CAMK2A: variants seen among roughly 807,000 people sequenced by gnomAD.
CAMK2A encodes calcium/calmodulin dependent protein kinase II alpha.
CAMK2A carries 7 observed loss-of-function variants against 79.2 expected under a neutral mutation model. The ratio of observed to expected loss-of-function variants is 0.09; its 90% CI spans 0.05 to 0.17. The LOEUF (loss-of-function observed/expected upper bound fraction) is 0.17. CAMK2A is among the 10% of genes least tolerant of loss of function. CAMK2A has a pLI of 1.00. For synonymous variants in CAMK2A, 242 were observed against 251.7 expected (o/e 0.96, Z 0.36); for missense variants, 214 against 646.4 (o/e 0.33, Z 7.25).
At chr5:150,235,298 A>T (rs1401532616) in intron 15 of CAMK2A, among the ~76,000 whole-genome samples, 1 of 152,170 alleles carries the variant, frequency 6.6e-6, no homozygotes. Context: ...TTACATCTGG[A>T]AAGTCCACTC....
intron 7 of CAMK2A, 49 bp downstream of exon 7, chr5:150,253,395 C>T: frequency 2.1e-6 from 3 of 1,454,346 alleles, no homozygotes; most frequent in East Asian, 2.3e-5. Flanking sequence ...TATGTGTCAA[C>T]ACAAATGGGT....
intron 2 of CAMK2A, among the ~76,000 whole-genome samples, chr5:150,267,094 G>C (rs1390583024): frequency 6.6e-6 from 1 of 152,232 alleles, no homozygotes; most frequent in Admixed American, 6.5e-5. Flanking sequence ...GGGATAAGGA[G>C]GTGGGGCCAA....
chr5:150,277,022 G>A (rs1756978236), intron 1 of CAMK2A, among the ~76,000 whole-genome samples: 1 of 152,152 alleles, frequency 6.6e-6, no homozygotes, highest in Non-Finnish European at 1.5e-5. Context: ...TTGAGCCCAG[G>A]AGTTTGAGAC....
chr5:150,225,936 C>A (rs1317798953), intron 17 of CAMK2A, among the ~76,000 whole-genome samples: 1 of 151,942 alleles, frequency 6.6e-6, no homozygotes, highest in Non-Finnish European at 1.5e-5. Context: ...GTAAAGATGG[C>A]GTTTCACCAT....
intron 13 of CAMK2A, among the ~76,000 whole-genome samples, chr5:150,242,534 C>A (rs1455056893): frequency 6.6e-6 from 1 of 152,202 alleles, no homozygotes; most frequent in Admixed American, 6.5e-5. Flanking sequence ...ATGTGTGCCT[C>A]CCTGCTGGGC....
At position 150,238,401 on chromosome 5, in the gene CAMK2A, G is replaced by A. The variant is rs559120422; in HGVS notation, c.1066+299C>T. ...TGGGAGGCAGAGGTTGCAGTGAGCC[G>A]AGATCGTGCCACTGCACTCCAGCCT... is the stretch of plus-strand genomic sequence containing the variant. On this transcript the variant is annotated intron_variant, in intron 15 of 18. Transcript: ENST00000671881. 13 of 262,740 alleles carry A rather than the reference G, an allele frequency of 4.9e-5. No homozygotes were observed. In the East Asian group the frequency reaches 9.9e-4, roughly 20 times the overall value. The allele number at this position is 262,740 out of a possible 1,614,324, so 16.3% of individuals were successfully genotyped here. A position where few individuals can be genotyped will look rare whatever the true frequency, so the allele number is the denominator to read the frequency against.
In CAMK2A at chr5:150,247,762, T is replaced by C; in HGVS notation, c.943+10A>G. 6.2e-7 allele frequency: 1 copy of C among 1,608,876 alleles called. No homozygotes were observed. Among genetic ancestry groups the C allele is most frequent in the Non-Finnish European group, 8.5e-7 (1 of 1,177,810 alleles). On this transcript the variant is annotated intron_variant, in intron 12 of 18. Coordinates refer to ENST00000671881, the MANE Select transcript of CAMK2A (RefSeq NM_015981.4). The stretch of plus-strand genomic sequence containing the variant: ...GGGCTTACTGGGGACCCTGAGGTCC[T>C]GCCACCTACCGGAGAAGTTCCTGGT...
chr5:150,273,166 G>C lies in CAMK2A; in HGVS notation c.63-7C>G. ...CACCACCGAGAAGGCTCCCCTAGGA[G>C]GACAGAGAAGGTGGAGAGGGTGAGG... On this transcript the variant is annotated splice_polypyrimidine_tract_variant and splice_region_variant and intron_variant, in intron 1 of 18. Transcript: ENST00000671881. 6.2e-7 allele frequency: 1 copy of C among 1,609,894 alleles called. No homozygotes were observed. The highest frequency in any genetic ancestry group is 8.5e-7 in the Non-Finnish European group (1 of 1,176,896).
intron 13 of CAMK2A, among the ~76,000 whole-genome samples, chr5:150,241,615 T>C (rs1413430070): frequency 1.4e-5 from 2 of 141,170 alleles, no homozygotes; most frequent in Admixed American, 1.4e-4. Flanking sequence ...TCTCTTCTCC[T>C]GTCCTCTCCT....
intron 15 of CAMK2A, among the ~76,000 whole-genome samples, chr5:150,236,427 T>G (rs557029707): frequency 6.6e-6 from 1 of 152,226 alleles, no homozygotes; most frequent in Non-Finnish European, 1.5e-5. Flanking sequence ...GGCCAAACAC[T>G]ACATGTGCAC....
chr5:150,223,118 G>A lies in CAMK2A; in HGVS notation c.1337C>T (p.Thr446Met), dbSNP rs766270888. 11 of 1,614,046 alleles carry A rather than the reference G, an allele frequency of 6.8e-6. No individual in the cohort carries two copies. Among genetic ancestry groups the A allele is most frequent in the Non-Finnish European group, 3.4e-6 (4 of 1,180,044 alleles). The change falls in exon 18 of 19, where the codon ACG becomes ATG. Residue 446 changes from threonine (T) to methionine (M), a missense_variant. Thr to Met is a moderately conservative substitution (Grantham distance 81). Transcript: ENST00000671881. This position sits in a 1 kb window ranked among gnomAD's most constrained non-coding sequence, Gnocchi z 4.1. ...GATGCCGCCAGCGTCCAGGTACTGC[G>A]TGATGCGGATGTAGGCGATGCAGGC... The part of the protein sequence containing the change: ...ESACIAYIRI[T>M]QYLDAGGIPR...
intron 3 of CAMK2A, among the ~76,000 whole-genome samples, chr5:150,262,525 C>A (rs1756343134): frequency 6.6e-6 from 1 of 152,128 alleles, no homozygotes; most frequent in South Asian, 2.1e-4. Context: ...CCACCACCCC[C>A]ACTCCCATTC....
At chr5:150,281,528 T>C (rs958347434) in intron 1 of CAMK2A, among the ~76,000 whole-genome samples, 1 of 152,200 alleles carries the variant, frequency 6.6e-6, no homozygotes, top group Admixed American at 6.5e-5. Flanking sequence ...GTCCACCCCC[T>C]CCTATTCCAA....
chr5:150,242,288 CACCAAAAGTAGAA>C (rs1450658835), intron 13 of CAMK2A, among the ~76,000 whole-genome samples: 3 of 152,222 alleles, frequency 2.0e-5, no homozygotes, highest in Non-Finnish European at 4.4e-5. Context: ...CTCCCTCTTT[CACCAAAAGTAGAA>C]ACCGCATCTC....
chr5:150,277,511 CAAG>C (rs2150305660), intron 1 of CAMK2A, among the ~76,000 whole-genome samples: 1 of 152,352 alleles, frequency 6.6e-6, no homozygotes, highest in African/African-American at 2.4e-5. Flanking sequence ...GTCTATAAAA[CAAG>C]AGAAGCCATA....
chr5:150,230,245 G>C (rs375592927), intron 16 of CAMK2A, among the ~76,000 whole-genome samples: 1 of 147,422 alleles, frequency 6.8e-6, no homozygotes, highest in South Asian at 2.1e-4. Context: ...TTGAACCCGG[G>C]AGACGGAGGT....
rs1754332428 is a variant in CAMK2A, at chr5:150,221,992, TGA to T, written c.*716_*717del. On this transcript the variant is annotated 3_prime_UTR_variant, in exon 19 of 19. Transcript: ENST00000671881. ...CCCAAAAACAATTAGATTCCCTCTC[TGA>T]GATACGACAAAGCTGGAATTCTCCA... The T allele has an allele frequency of 5.2e-6, 1 of 193,588 alleles. No individual in the cohort carries two copies. The highest frequency in any genetic ancestry group is 2.3e-5 in the African/African-American group (1 of 43,320). The allele number at this position is 193,588 out of a possible 1,614,324, so 12.0% of individuals were successfully genotyped here.
intron 18 of CAMK2A, 79 bp from the exon 19 acceptor site, chr5:150,222,792 G>A (rs1754382002): frequency 1.3e-6 from 2 of 1,566,362 alleles, no homozygotes; most frequent in South Asian, 1.1e-5. Context: ...CGCTTTAGAT[G>A]GAGTCCATGC....
chr5:150,257,738 A>C lies in CAMK2A; in HGVS notation c.218-121T>G, dbSNP rs1377013826. The C allele has an allele frequency of 1.2e-5, 9 of 759,108 alleles. No homozygotes were observed. In the East Asian group the frequency reaches 2.2e-4, roughly 18 times the overall value. The allele number at this position is 759,108 out of a possible 1,614,324, so 47.0% of individuals were successfully genotyped here. A position where few individuals can be genotyped will look rare whatever the true frequency, so the allele number is the denominator to read the frequency against. Reference sequence around the variant, plus strand: ...GCTCCCAGACAGTCACTGAGTATACACCAGGTGCCAGGTGCTTTGACAAGC... The same window carrying C: ...GCTCCCAGACAGTCACTGAGTATACCCCAGGTGCCAGGTGCTTTGACAAGC... On this transcript the variant is annotated intron_variant, in intron 3 of 18. Transcript: ENST00000671881.
Sources: gnomAD v4.1 joint callset for allele counts (sites outside exome capture counted in the v4.1 genomes callset) on GRCh38, gnomAD v4.1.1 for gene constraint, Gnocchi (gnomAD v3.1) non-coding constraint, MANE v1.5 for transcripts, NCBI Gene and HGNC (gene_info 2026-07-23, HGNC 2026-07-21) for gene names.